EXOSC8: variants seen among roughly 807,000 people sequenced by gnomAD.
EXOSC8 encodes the protein exosome component 8.
Under a neutral mutation model 39.9 loss-of-function variants are expected in EXOSC8, and 37 were observed. The ratio of observed to expected loss-of-function variants is 0.93; its 90% CI spans 0.71 to 1.22. The LOEUF (loss-of-function observed/expected upper bound fraction) is 1.22, where lower values mean the gene tolerates loss of function less well. EXOSC8 is among the 50% of genes most tolerant of loss of function. EXOSC8 has a pLI of 0.00. For synonymous variants in EXOSC8, 93 were observed against 109.5 expected (o/e 0.85, Z 0.94); for missense variants, 313 against 326.6 (o/e 0.96, Z 0.32).
rs773616244 is a variant in EXOSC8 at position 37,009,200 on chromosome 13, T to TG, written c.734dup (p.Ala246SerfsTer2). On this transcript the variant is annotated frameshift_variant, in exon 11 of 11. Transcript: ENST00000389704. LOFTEE classifies it high-confidence loss of function. ...ATTTTTCAGGTGGAAGTGGGCTAACTGGAGCTAAACTTCAGGACTGTATGA... is the reference window on the plus strand; with the variant it reads ...ATTTTTCAGGTGGAAGTGGGCTAACTGGGAGCTAAACTTCAGGACTGTATGA... The TG allele has an allele frequency of 7.5e-6, 12 of 1,610,410 alleles. No homozygotes were observed. Among genetic ancestry groups the TG allele is most frequent in the Non-Finnish European group, 8.5e-6 (10 of 1,178,418 alleles).
At chr13:37,007,343 C>T (rs2059146784) in intron 8 of EXOSC8, among the ~76,000 whole-genome samples, 1 of 152,184 alleles carries the variant, frequency 6.6e-6, no homozygotes, top group Non-Finnish European at 1.5e-5. Context: ...GTTGTAACTT[C>T]TGGCTAGGTG....
rs746152165 is a variant in EXOSC8 at position 37,005,944 on chromosome 13, T to C, written c.263T>C (p.Leu88Pro). 5 of 1,591,396 alleles carry C rather than the reference T, an allele frequency of 3.1e-6. No individual in the cohort carries two copies. In the Admixed American group the frequency reaches 6.8e-5, roughly 21 times the overall value. Reference protein sequence around the residue: ...YVVPNVDLPPLCSSRFRSGPP... With the variant: ...YVVPNVDLPPPCSSRFRSGPP... Reference sequence around the variant, plus strand: ...GTTCCTAATGTGGATCTACCACCCCTGTGTTCATCGAGATTCCGGTCTGGA... The same window carrying C: ...GTTCCTAATGTGGATCTACCACCCCCGTGTTCATCGAGATTCCGGTCTGGA... Residue 88 changes from leucine (L) to proline (P), a missense_variant, in exon 6 of 11, where the codon CTG becomes CCG. Leu to Pro is a moderately conservative substitution (Grantham distance 98). Transcript: ENST00000389704.
chr13:37,006,987 C>T lies in EXOSC8; in HGVS notation c.403C>T (p.Leu135=). 1 of 1,607,192 alleles carries T rather than the reference C, an allele frequency of 6.2e-7. No homozygotes were observed. The highest frequency in any genetic ancestry group is 2.2e-5 in the East Asian group (1 of 44,832). Reference sequence around the variant, plus strand: ...AATTCTATTTTAGCTTGTCTGGGTTCTATACTGTGATCTCATTTGCCTCGA... The same window carrying T: ...AATTCTATTTTAGCTTGTCTGGGTTTTATACTGTGATCTCATTTGCCTCGA... ...CISPGKLVWV[L]YCDLICLDYD... Residue 135 remains leucine, a synonymous_variant, in exon 8 of 11, where the codon CTA becomes TTA. Transcript: ENST00000389704.
rs1204370754 is a variant in EXOSC8 at position 37,008,066 on chromosome 13, C to T, written c.497C>T (p.Pro166Leu). ...LLAALKNVQL[P>L]EVTINEETAL... is the part of the protein sequence containing the mutation. ...ATTTGCCTTTTCTTAGTACAGTTGC[C>T]TGAAGTTACTATAAATGAAGAAACT... Residue 166 changes from proline (P) to leucine (L), a missense_variant, in exon 9 of 11, where the codon CCT becomes CTT. Physicochemically the swap from Pro to Leu is moderately conservative, Grantham distance 98. Transcript: ENST00000389704. 1 of 1,592,942 alleles carries T rather than the reference C, an allele frequency of 6.3e-7. No homozygotes were observed. The highest frequency in any genetic ancestry group is 8.6e-7 in the Non-Finnish European group (1 of 1,168,126).
At chr13:37,004,635 T>G in intron 5 of EXOSC8, 74 bp downstream of exon 5, 1 of 886,680 alleles carries the variant, frequency 1.1e-6, no homozygotes, top group Non-Finnish European at 1.8e-6. Context: ...AAGTCCTAGT[T>G]AAGTTGATGT....
At chr13:37,007,370 C>T (rs759337401) in intron 8 of EXOSC8, among the ~76,000 whole-genome samples, 3 of 152,188 alleles carry the variant, frequency 2.0e-5, no homozygotes, top group Non-Finnish European at 2.9e-5. Context: ...GAAGATCTGC[C>T]AGTATCCTCA....
Position 37,008,710 on chromosome 13 carries a change from T to C in EXOSC8, c.609-19T>C, listed in dbSNP as rs375017942. On this transcript the variant is annotated intron_variant, in intron 9 of 10. Coordinates refer to ENST00000389704, the MANE Select transcript of EXOSC8 (RefSeq NM_181503.3). ...ATTTGTTCCATGGATTGATAACTTA[T>C]ATTTTTTTCTTTTTATAGCACTTTG... The C allele has an allele frequency of 1.7e-5, 25 of 1,473,404 alleles. No individual in the cohort carries two copies. Among genetic ancestry groups the C allele is most frequent in the Admixed American group, 5.2e-5 (3 of 57,174 alleles). The allele number at this position is 1,473,404 out of a possible 1,614,324, so 91.3% of individuals were successfully genotyped here.
intron 7 of EXOSC8, 45 bp from the exon 8 acceptor site, chr13:37,006,930 C>G (rs2059142997): frequency 2.6e-6 from 3 of 1,156,410 alleles, no homozygotes; most frequent in South Asian, 2.5e-5. Context: ...CATGTTCTAC[C>G]CATTAGAAGA....
At chr13:37,004,699 A>G (rs1484369471) in intron 5 of EXOSC8, 138 bp downstream of exon 5, 4 of 587,810 alleles carry the variant, frequency 6.8e-6, no homozygotes, top group Non-Finnish European at 1.2e-5. Context: ...CAAATTCCTC[A>G]AAAGTTTTCC....
chr13:37,008,228 A>C lies in EXOSC8; in HGVS notation c.608+51A>C, dbSNP rs2059164501. ...ATTTTCTATATTTAAGATTAGGGTA[A>C]TTGATGTTCAGCATTCTAACTCTTT... On this transcript the variant is annotated intron_variant, in intron 9 of 10. Coordinates refer to ENST00000389704, the MANE Select transcript of EXOSC8 (RefSeq NM_181503.3). The C allele has an allele frequency of 2.1e-6, 3 of 1,437,890 alleles. No individual in the cohort carries two copies. In the East Asian group the frequency reaches 6.8e-5, roughly 33 times the overall value. The allele number at this position is 1,437,890 out of a possible 1,614,324, so 89.1% of individuals were successfully genotyped here.
chr13:37,005,819 G>A (rs940392684), intron 5 of EXOSC8, 101 bp from the exon 6 acceptor site: 54 of 597,438 alleles, frequency 9.0e-5, no homozygotes, highest in South Asian at 4.1e-4. Flanking sequence ...AGCTGAGATC[G>A]CACCAATGCA....
At chr13:37,007,812 TA>T (rs923930121) in intron 8 of EXOSC8, among the ~76,000 whole-genome samples, 7 of 151,134 alleles carry the variant, frequency 4.6e-5, no homozygotes, top group Admixed American at 6.6e-5. Context: ...GATATAAATT[TA>T]AAAAAAAATC....
chr13:37,006,832 T>G (rs2059142207), intron 7 of EXOSC8, 143 bp from the exon 8 acceptor site: 1 of 581,958 alleles, frequency 1.7e-6, no homozygotes, highest in Non-Finnish European at 3.0e-6. Flanking sequence ...TTTAAAAAGG[T>G]GAAGCATTTT....
At position 37,009,292 on chromosome 13, in the gene EXOSC8, C is replaced by A. The variant is rs1318677520; in HGVS notation, c.824C>A (p.Pro275His). 1 of 1,550,484 alleles carries A rather than the reference C, an allele frequency of 6.4e-7. No individual in the cohort carries two copies. The highest frequency in any genetic ancestry group is 8.9e-7 in the Non-Finnish European group (1 of 1,124,734). ...LMDEVIKSMKPK is the reference protein window; with the variant it reads ...LMDEVIKSMKHK The stretch of plus-strand genomic sequence containing the variant: ...GATGAAGTAATTAAGAGTATGAAAC[C>A]CAAATAAACAGCCACCACATTTTCA... Residue 275 changes from proline to histidine, a missense_variant, in exon 11 of 11, where the codon CCC (proline) becomes CAC (histidine). Physicochemically the swap from Pro to His is moderately conservative, Grantham distance 77 (BLOSUM62 -2). Transcript: ENST00000389704.
chr13:37,006,203 G>A (rs746636529), intron 7 of EXOSC8, 43 bp downstream of exon 7: 1 of 1,435,710 alleles, frequency 7.0e-7, no homozygotes, highest in East Asian at 2.3e-5. Flanking sequence ...TAATTCTGAA[G>A]GGATTTTTTT....
chr13:37,009,549 TAA>T lies in EXOSC8; in HGVS notation c.*252_*253del. ...AAAATGATAAGGTTGTGCTTCTGTA[TAA>T]AGTTTGTACATCTAGCAATGTAAAA... On this transcript the variant is annotated 3_prime_UTR_variant, in exon 11 of 11. Transcript: ENST00000389704. The T allele has an allele frequency of 2.5e-6, 3 of 1,181,208 alleles. No homozygotes were observed. The Admixed American group carries it at 5.7e-5, about 22-fold the overall frequency. The allele number at this position is 1,181,208 out of a possible 1,614,324, so 73.2% of individuals were successfully genotyped here.
At chr13:37,008,696 GGATT>G (rs776202467) in intron 9 of EXOSC8, 29 bp from the exon 10 acceptor site, 3 of 1,363,834 alleles carry the variant, frequency 2.2e-6, no homozygotes, top group Non-Finnish European at 3.1e-6. Flanking sequence ...TTTGTTCCAT[GGATT>G]GATAACTTAT....
chr13:37,007,997 A>G (rs2059159603), intron 8 of EXOSC8, 60 bp from the exon 9 acceptor site: 9 of 1,289,828 alleles, frequency 7.0e-6, no homozygotes, highest in Admixed American at 2.2e-5. Flanking sequence ...AAAAAAAAAA[A>G]GCTTAGAAAT....
intron 1 of EXOSC8, 80 bp downstream of exon 1, chr13:37,000,902 C>T (rs2059095714): frequency 1.4e-6 from 2 of 1,415,814 alleles, no homozygotes; most frequent in Non-Finnish European, 9.3e-7. Context: ...GGGATTCTCT[C>T]ACCTGGAGGC....
Sources: allele counts gnomAD v4.1 joint callset (sites outside exome capture counted in the v4.1 genomes callset), GRCh38; gene constraint gnomAD v4.1.1; transcripts MANE v1.5; gene names NCBI Gene and HGNC (gene_info 2026-07-23, HGNC 2026-07-21).